Variants in FHDC1 observed in about 807,000 individuals in gnomAD.
The protein encoded by FHDC1 is FH2 domain-containing protein 1.
FHDC1 carries 25 observed loss-of-function variants against 52.6 expected under a neutral mutation model. The ratio of observed to expected loss-of-function variants is 0.48; its 90% CI spans 0.35 to 0.66. The LOEUF is 0.66. Among genes scored for constraint, FHDC1 ranks in the 30% least tolerant of loss-of-function variants. The pLI, the probability that FHDC1 is intolerant of heterozygous loss-of-function variation, is 0.01. For missense variants in FHDC1, 1,459 were observed against 1,452.8 expected (o/e 1.00, Z -0.07); for synonymous variants, 616 against 581.5 (o/e 1.06, Z -0.85).
At position 152,976,006 on chromosome 4, in the gene FHDC1, C is replaced by G; in HGVS notation, c.2715C>G (p.Val905=). The change falls in exon 12 of 12, where the codon GTC becomes GTG. Residue 905 remains valine (V), a synonymous_variant. Transcript: ENST00000511601. ...TASENESMRK[V]MPITKSSRGA... is the part of the protein sequence containing the mutation. ...CAGAGAACGAGAGCATGCGCAAGGT[C>G]ATGCCCATCACCAAGTCCAGCAGAG... The G allele has an allele frequency of 1.3e-6, 2 of 1,545,828 alleles. No individual in the cohort carries two copies. The highest frequency in any genetic ancestry group is 1.8e-4 in the Middle Eastern group (1 of 5,698).
chr4:152,912,491 G>C, the FHDC1 span: 1 of 152,168 alleles, frequency 6.6e-6, no homozygotes, highest in South Asian at 2.1e-4. Flanking sequence ...AAGTGAAAAT[G>C]GGCCCTCAAA....
intron 4 of FHDC1, among the ~76,000 whole-genome samples, chr4:152,956,338 T>C (rs1424989589): frequency 6.6e-6 from 1 of 152,174 alleles, no homozygotes; most frequent in African/African-American, 2.4e-5. Context: ...AAGCTTTAAA[T>C]TGCTAACTAA....
chr4:152,959,584 G>C (rs977625240), intron 4 of FHDC1, among the ~76,000 whole-genome samples: 6 of 152,058 alleles, frequency 3.9e-5, no homozygotes, highest in African/African-American at 1.2e-4. Context: ...GGGGCTTTTT[G>C]GGGGAGGGGC....
At chr4:152,930,712 A>C in the FHDC1 span, among the ~76,000 whole-genome samples, 1 of 152,170 alleles carries the variant, frequency 6.6e-6, no homozygotes, top group Admixed American at 6.5e-5. Context: ...TGCTTGAGAA[A>C]TATTAAGATT....
the FHDC1 span, among the ~76,000 whole-genome samples, chr4:152,923,749 A>G: frequency 6.6e-6 from 1 of 152,048 alleles, no homozygotes; most frequent in African/African-American, 2.4e-5. Context: ...AAAAACAAGC[A>G]ATGGGGAAAG....
At chr4:152,947,779 A>G (rs192841220) in intron 2 of FHDC1, among the ~76,000 whole-genome samples, 1 of 152,080 alleles carries the variant, frequency 6.6e-6, no homozygotes, top group East Asian at 1.9e-4. Flanking sequence ...GGAAATAAGT[A>G]AAGTGGCTAA....
intron 1 of FHDC1, among the ~76,000 whole-genome samples, chr4:152,940,981 T>G (rs1739559649): frequency 6.6e-6 from 1 of 152,230 alleles, no homozygotes; most frequent in African/African-American, 2.4e-5. Context: ...GAGCTGTATG[T>G]CAGCTTGGAA....
At chr4:152,956,845 C>T (rs530201331) in intron 4 of FHDC1, among the ~76,000 whole-genome samples, 1 of 152,328 alleles carries the variant, frequency 6.6e-6, no homozygotes, top group African/African-American at 2.4e-5. Context: ...GCTCACCACA[C>T]CCTCCAAACT....
At chr4:152,938,689 C>T (rs1019866277) in intron 1 of FHDC1, among the ~76,000 whole-genome samples, 1 of 152,202 alleles carries the variant, frequency 6.6e-6, no homozygotes, top group Non-Finnish European at 1.5e-5. Flanking sequence ...GCCCTTCCTG[C>T]CCCCACCTCT....
chr4:152,921,378 A>C, the FHDC1 span, among the ~76,000 whole-genome samples: 1 of 152,130 alleles, frequency 6.6e-6, no homozygotes, highest in African/African-American at 2.4e-5. Flanking sequence ...TTTATTTACA[A>C]GGATTTATTC....
chr4:152,957,573 C>A (rs1740136922), intron 4 of FHDC1, among the ~76,000 whole-genome samples: 1 of 152,222 alleles, frequency 6.6e-6, no homozygotes, highest in Non-Finnish European at 1.5e-5. Flanking sequence ...GTTGTCAAAA[C>A]CCCGCCTCGC....
intron 2 of FHDC1, among the ~76,000 whole-genome samples, chr4:152,946,612 T>C (rs1739741825): frequency 6.6e-6 from 1 of 152,138 alleles, no homozygotes; most frequent in Admixed American, 6.5e-5. Flanking sequence ...TACCATCTGT[T>C]TGTGTGGACT....
At position 152,954,329 on chromosome 4, in the gene FHDC1, T is replaced by G; in HGVS notation, c.663+10T>G. 1 of 1,604,072 alleles carries G rather than the reference T, an allele frequency of 6.2e-7. No homozygotes were observed. Among genetic ancestry groups the G allele is most frequent in the Non-Finnish European group, 8.5e-7 (1 of 1,170,902 alleles). On this transcript the variant is annotated intron_variant, in intron 4 of 11. Transcript: ENST00000511601. The stretch of plus-strand genomic sequence containing the variant: ...GCCAGAGTCAGAAGAGGTAAGAAAT[T>G]CAGCGCATGAGTTGTAGATGTTAGG...
rs1055926186 is a variant in FHDC1, at chr4:152,978,989, C to G, written c.*2266C>G. Reference sequence around the variant, plus strand: ...GCTGCTTTTCACCATCTCAAGAAGCCTAAGAAGTTATATATTTAATCAGGT... The same window carrying G: ...GCTGCTTTTCACCATCTCAAGAAGCGTAAGAAGTTATATATTTAATCAGGT... On this transcript the variant is annotated 3_prime_UTR_variant, in exon 12 of 12. Transcript: ENST00000511601. 1 of 152,124 alleles carries G rather than the reference C, an allele frequency of 6.6e-6. No individual in the cohort carries two copies. The highest frequency in any genetic ancestry group is 1.5e-5 in the Non-Finnish European group (1 of 68,030). 9.4% of individuals were successfully genotyped at this position (152,124 alleles called of 1,614,324 possible).
rs1561217135 is a variant in FHDC1, at chr4:152,975,864, A to T, written c.2573A>T (p.Asp858Val). ...LPRDKPTKRKDVVAPKRGSLK... is the reference protein window; with the variant it reads ...LPRDKPTKRKVVVAPKRGSLK... ...AGGGACAAACCCACCAAAAGGAAAG[A>T]TGTTGTAGCACCAAAGAGAGGCTCC... Residue 858 changes from aspartate (D) to valine (V), a missense_variant, in exon 12 of 12, where the codon GAT (aspartate) becomes GTT (valine). Physicochemically the swap from Asp to Val is radical, Grantham distance 152. Coordinates refer to ENST00000511601, the MANE Select transcript of FHDC1 (RefSeq NM_001371116.1). 2.0e-6 allele frequency: 3 copies of T among 1,514,380 alleles called. No homozygotes were observed. Among genetic ancestry groups the T allele is most frequent in the African/African-American group, 2.8e-5 (2 of 71,576 alleles). The allele number at this position is 1,514,380 out of a possible 1,614,324, so 93.8% of individuals were successfully genotyped here. A position where few individuals can be genotyped will look rare whatever the true frequency, so the allele number is the denominator to read the frequency against.
At chr4:152,949,724 T>C (rs1419113118) in intron 2 of FHDC1, among the ~76,000 whole-genome samples, 2 of 152,192 alleles carry the variant, frequency 1.3e-5, no homozygotes, top group Non-Finnish European at 2.9e-5. Flanking sequence ...ACTGTTTCAG[T>C]GGGTATCAGC....
rs79051386 is a variant in FHDC1, at chr4:152,939,607, T to C, written c.-131+3198T>C. 1.5e-3 allele frequency among the ~76,000 whole-genome samples: 228 copies of C among 152,294 alleles called. 5 individuals carry two copies. In the East Asian group the frequency reaches 0.035, roughly 23 times the overall value. On this transcript the variant is annotated intron_variant, in intron 1 of 11. Transcript: ENST00000511601. ...TAAGTACGTGATCACAGCATCGCCTTATTGAAATTTCACATAGTTGAAAGA... is the reference window on the plus strand; with the variant it reads ...TAAGTACGTGATCACAGCATCGCCTCATTGAAATTTCACATAGTTGAAAGA...
At chr4:152,922,384 G>C in the FHDC1 span, among the ~76,000 whole-genome samples, 2 of 151,992 alleles carry the variant, frequency 1.3e-5, no homozygotes, top group Non-Finnish European at 2.9e-5. Context: ...CAACCAAAAA[G>C]AGTCCGGGAC....
chr4:152,960,581 C>A lies in FHDC1; in HGVS notation c.680C>A (p.Ala227Glu), dbSNP rs149221149. The change falls in exon 5 of 12, where the codon GCG becomes GAG. Residue 227 changes from alanine to glutamate, a missense_variant. Ala to Glu is a moderately radical substitution (Grantham distance 107). Coordinates refer to ENST00000511601, the MANE Select transcript of FHDC1 (RefSeq NM_001371116.1). ...PESEEVKKLK[A>E]FSGDVSKLSL... ...GTCTTTTAGGTAAAGAAGTTAAAAG[C>A]GTTTAGTGGCGACGTGTCGAAGCTG... The A allele has an allele frequency of 6.2e-7, 1 of 1,613,886 alleles. No individual in the cohort carries two copies.
Sources: gnomAD v4.1 joint callset for allele counts (sites outside exome capture counted in the v4.1 genomes callset) on GRCh38, gnomAD v4.1.1 for gene constraint, MANE v1.5 for transcripts, NCBI Gene and HGNC (gene_info 2026-07-23, HGNC 2026-07-21) for gene names.